LUZP1: variants seen among roughly 807,000 people sequenced by gnomAD.
LUZP1 encodes leucine zipper protein 1, also known as filamin mechanobinding actin cross-linking protein.
Under a neutral mutation model 71.3 loss-of-function variants are expected in LUZP1, and 25 were observed. The observed-to-expected ratio is 0.35, with a 90% CI of 0.26 to 0.49. The LOEUF (loss-of-function observed/expected upper bound fraction) is 0.49. LUZP1 is among the 20% of genes least tolerant of loss of function. The pLI, the probability that LUZP1 is intolerant of heterozygous loss-of-function variation, is 0.99. For missense variants in LUZP1, 1,142 were observed against 1,300.8 expected, an observed-to-expected ratio of 0.88 and a Z score of 1.88; for synonymous variants, 481 against 506.4, an observed-to-expected ratio of 0.95 and a Z score of 0.67.
intron 2 of LUZP1, among the ~76,000 whole-genome samples, chr1:23,130,191 A>G (rs1644203121): frequency 6.6e-6 from 1 of 152,138 alleles, no homozygotes; most frequent in South Asian, 2.1e-4. Flanking sequence ...TTCAATGCTA[A>G]TCTCTCTTCA....
exon 5 of LUZP1, chr1:23,084,311 C>G (rs1205677175): frequency 6.6e-6 from 1 of 152,224 alleles, no homozygotes; most frequent in Non-Finnish European, 1.5e-5. Context: ...TTTCCTTGCT[C>G]TTTTCAGCTT....
At chr1:23,096,783 A>G (rs1557634763) in intron 3 of LUZP1, among the ~76,000 whole-genome samples, 1 of 152,066 alleles carries the variant, frequency 6.6e-6, no homozygotes, top group Non-Finnish European at 1.5e-5. Flanking sequence ...GACCAGCCTG[A>G]ACAACATGAT....
rs1375219374 is a variant in LUZP1, at chr1:23,105,394, GCA to G, written c.-120+3626_-120+3627del. On this transcript the variant is annotated intron_variant, in intron 3 of 4. Coordinates refer to ENST00000302291, the Ensembl canonical transcript of LUZP1. ...AATATGGGGCTTAATTCTTTTGCAG[GCA>G]ACGTGATACAATGATTAAAGTTTAC... is the stretch of plus-strand genomic sequence containing the variant. 7.9e-5 allele frequency among the ~76,000 whole-genome samples: 12 copies of G among 152,198 alleles called. No individual in the cohort carries two copies. In the East Asian group the frequency reaches 1.7e-3, roughly 22 times the overall value.
chr1:23,088,609 T>C (rs683893), exon 5 of LUZP1: 245,012 of 304,988 alleles, frequency 0.8, 99,680 homozygotes, highest in Non-Finnish European at 0.84. Flanking sequence ...TTATCTTCCC[T>C]TGTTTGGGGG....
At position 23,158,325 on chromosome 1, in the gene LUZP1, ATT is replaced by A. The variant is rs1285945850; in HGVS notation, c.-226+10439_-226+10440del. On this transcript the variant is annotated intron_variant, in intron 2 of 4. Transcript: ENST00000302291. ...ATTTTCCAAAATAAAGACTTTCCATATTGTTTGTTGTTCTGTGAAATTTTTCT... is the reference window on the plus strand; with the variant it reads ...ATTTTCCAAAATAAAGACTTTCCATAGTTTGTTGTTCTGTGAAATTTTTCT... Among the ~76,000 whole-genome samples the A allele has an allele frequency of 9.9e-5, 15 of 152,220 alleles. No individual in the cohort carries two copies. The East Asian group carries it at 2.3e-3, about 23-fold the overall frequency.
chr1:23,150,957 G>C (rs1470267059), intron 2 of LUZP1, among the ~76,000 whole-genome samples: 1 of 152,160 alleles, frequency 6.6e-6, no homozygotes, highest in South Asian at 2.1e-4. Context: ...GTTCTACAAA[G>C]GCATAGGAGG....
intron 2 of LUZP1, among the ~76,000 whole-genome samples, chr1:23,117,529 G>GGGGCGGGGGA (rs371517574): frequency 1.2e-5 from 1 of 85,588 alleles, no homozygotes; most frequent in African/African-American, 5.0e-5. Context: ...CGGGGGGGGG[G>GGGGCGGGGGA]AACACCTTGA....
At chr1:23,097,551 CAAAG>C (rs1475801820) in intron 3 of LUZP1, among the ~76,000 whole-genome samples, 1 of 151,994 alleles carries the variant, frequency 6.6e-6, no homozygotes, top group Non-Finnish European at 1.5e-5. Context: ...AAGCATGAGG[CAAAG>C]AAAGGAATTA....
At chr1:23,124,233 T>G (rs550437272) in intron 2 of LUZP1, among the ~76,000 whole-genome samples, 2 of 152,150 alleles carry the variant, frequency 1.3e-5, no homozygotes, top group Non-Finnish European at 2.9e-5. Context: ...GGAAAGATAC[T>G]TAGGGTGCAA....
chr1:23,083,646 TG>T (rs201520274), downstream of LUZP1: 2,406 of 212,920 alleles, frequency 0.011, no homozygotes, highest in Middle Eastern at 0.023. Context: ...GTGGGGTTTT[TG>T]TTTTTTTTTT....
At chr1:23,164,971 T>C (rs1034890585) in intron 2 of LUZP1, among the ~76,000 whole-genome samples, 2 of 152,238 alleles carry the variant, frequency 1.3e-5, no homozygotes, top group Admixed American at 6.5e-5. Context: ...TTGGTAACTT[T>C]TTCCCCAAAA....
At chr1:23,172,236 A>T (rs1644556601) in intron 1 of LUZP1, among the ~76,000 whole-genome samples, 1 of 152,212 alleles carries the variant, frequency 6.6e-6, no homozygotes, top group South Asian at 2.1e-4. Flanking sequence ...TGGACAATAA[A>T]GGTCTCTATT....
chr1:23,115,460 C>T (rs1173590515), intron 2 of LUZP1, among the ~76,000 whole-genome samples: 1 of 152,170 alleles, frequency 6.6e-6, no homozygotes, highest in Non-Finnish European at 1.5e-5. Context: ...TTTGGGAGTG[C>T]TTATTAATAA....
intron 2 of LUZP1, among the ~76,000 whole-genome samples, chr1:23,158,647 CAAAAAAAAAAAAAAAAAA>C (rs56919514): frequency 4.2e-4 from 25 of 59,934 alleles, no homozygotes; most frequent in Non-Finnish European, 1.8e-4. Flanking sequence ...GACTCTGTCT[CAAAAAAAAAAAAAAAAAA>C]AAAAAAAAAA....
chr1:23,119,662 C>T (rs1053752043), intron 2 of LUZP1, among the ~76,000 whole-genome samples: 11 of 152,104 alleles, frequency 7.2e-5, no homozygotes, highest in Admixed American at 5.9e-4. Context: ...CTGTACCAAA[C>T]CCCGAGCTCC....
At chr1:23,162,676 A>G (rs998872613) in intron 2 of LUZP1, 2 of 152,116 alleles carry the variant, frequency 1.3e-5, no homozygotes, top group African/African-American at 2.4e-5. Flanking sequence ...TTAAAATACT[A>G]TTTTGTCCAG....
intron 1 of LUZP1, among the ~76,000 whole-genome samples, chr1:23,171,345 G>A (rs1164634993): frequency 6.6e-6 from 1 of 152,206 alleles, no homozygotes; most frequent in African/African-American, 2.4e-5. Flanking sequence ...GGATTCAGCA[G>A]AGTCACATCT....
intron 2 of LUZP1, among the ~76,000 whole-genome samples, chr1:23,118,575 A>C (rs1431045254): frequency 1.3e-5 from 2 of 152,152 alleles, no homozygotes; most frequent in Non-Finnish European, 2.9e-5. Context: ...CAAACAGAAG[A>C]ATGTATGTGA....
intron 2 of LUZP1, among the ~76,000 whole-genome samples, chr1:23,152,317 C>G (rs1336927265): frequency 6.6e-6 from 1 of 151,842 alleles, no homozygotes; most frequent in East Asian, 1.9e-4. Context: ...TATTTTTTTC[C>G]AAATGATTAC....
Sources: allele counts gnomAD v4.1 joint callset (sites outside exome capture counted in the v4.1 genomes callset), GRCh38; gene constraint gnomAD v4.1.1; transcripts MANE v1.5; gene names NCBI Gene and HGNC (gene_info 2026-07-23, HGNC 2026-07-21).